Variants in BBS1 observed in about 807,000 individuals in gnomAD.
BBS1 encodes Bardet-Biedl syndrome 1, also known as BBSome complex member BBS1.
In BBS1, 60 loss-of-function variants were observed where a neutral mutation model predicts 73.9. The observed-to-expected ratio is 0.81, with a 90% CI of 0.66 to 1.01. The LOEUF (loss-of-function observed/expected upper bound fraction) is 1.01. BBS1 is among the 50% of genes least tolerant of loss of function. The pLI, the probability that BBS1 is intolerant of heterozygous loss-of-function variation, is 0.00. For missense variants in BBS1, 718 were observed against 770.3 expected, an observed-to-expected ratio of 0.93 and a Z score of 0.80; for synonymous variants, 283 against 317.4, an observed-to-expected ratio of 0.89 and a Z score of 1.15.
intron 7 of BBS1, among the ~76,000 whole-genome samples, chr11:66,517,956 T>C (rs1033917429): frequency 6.7e-6 from 1 of 150,022 alleles, no homozygotes; most frequent in Admixed American, 6.6e-5. Context: ...CTTTTTTTTT[T>C]CTTTTCTTTT....
intron 9 of BBS1, 156 bp downstream of exon 9, chr11:66,521,532 A>G (rs1473474924): frequency 1.4e-6 from 1 of 698,990 alleles, no homozygotes; most frequent in Non-Finnish European, 2.6e-6. Flanking sequence ...AACACAGGGG[A>G]GGATACCTGG....
At chr11:66,512,010 A>ATATATGTGTATATATATGTATATATATG (rs1565280696) in intron 3 of BBS1, among the ~76,000 whole-genome samples, 110 of 143,204 alleles carry the variant, frequency 7.7e-4, no homozygotes, top group Non-Finnish European at 8.5e-4. Flanking sequence ...AAAAATATAT[A>ATATATGTGTATATATATGTATATATATG]TATATATATG....
chr11:66,514,039 C>T (rs1036103074), intron 3 of BBS1, among the ~76,000 whole-genome samples: 1 of 152,236 alleles, frequency 6.6e-6, no homozygotes, highest in African/African-American at 2.4e-5. Flanking sequence ...CCGTCCCCTC[C>T]CACACTGACC....
chr11:66,527,729 C>G (rs1856582356), intron 13 of BBS1: 1 of 150,824 alleles, frequency 6.6e-6, no homozygotes, highest in South Asian at 2.1e-4. Context: ...ACTCAGTCTA[C>G]CTGGGGCCAA....
In BBS1 at chr11:66,532,297, C is replaced by T. The variant is rs1856820088; in HGVS notation, c.*260C>T. 1 of 543,362 alleles carries T rather than the reference C, an allele frequency of 1.8e-6. No individual in the cohort carries two copies. The highest frequency in any genetic ancestry group is 3.3e-6 in the Non-Finnish European group (1 of 300,904). 33.7% of individuals were successfully genotyped at this position (543,362 alleles called of 1,614,324 possible). A position where few individuals can be genotyped will look rare whatever the true frequency, so the allele number is the denominator to read the frequency against. On this transcript the variant is annotated 3_prime_UTR_variant, in exon 17 of 17. Coordinates refer to ENST00000318312, the MANE Select transcript of BBS1 (RefSeq NM_024649.5). ...CCTACTACGCCCTCCCCTCCCCAGC[C>T]TTTTCCAGAAACCATACTGGGCTCA...
In BBS1 at chr11:66,532,013, G is replaced by A; in HGVS notation, c.1758G>A (p.Gly586=). Residue 586 remains glycine, a synonymous_variant, in exon 17 of 17, where the codon GGG becomes GGA. Coordinates refer to ENST00000318312, the MANE Select transcript of BBS1 (RefSeq NM_024649.5). ...TGAGTGCCCACGTCAACATGCCTGG[G>A]AGCGAGGGGCTGGCGGCCGCCTGAG... ...PLLSAHVNMP[G]SEGLAAA 6.2e-7 allele frequency: 1 copy of A among 1,607,748 alleles called. No homozygotes were observed. The highest frequency in any genetic ancestry group is 8.5e-7 in the Non-Finnish European group (1 of 1,177,800).
intron 2 of BBS1, 54 bp downstream of exon 2, chr11:66,511,143 A>G (rs543797671): frequency 1.2e-5 from 19 of 1,613,790 alleles, no homozygotes; most frequent in Middle Eastern, 1.7e-4. Context: ...GAGTCAGACA[A>G]TGGTCCTGTA....
Position 66,529,855 on chromosome 11 carries a change from T to TGCGCCTACGTGCTGCCC in BBS1, c.1385_1401dup (p.Leu468ValfsTer14), listed in dbSNP as rs1166459319. On this transcript the variant is annotated frameshift_variant, in exon 14 of 17. Transcript: ENST00000318312. LOFTEE classifies it high-confidence loss of function. ...GCCTTCCAGACAGACCTATACCTGC[T>TGCGCCTACGTGCTGCCC]GCGCCTACGTGCTGCCCGCGCCTAC... is the stretch of plus-strand genomic sequence containing the variant. 3 of 1,610,828 alleles carry TGCGCCTACGTGCTGCCC rather than the reference T, an allele frequency of 1.9e-6. No homozygotes were observed. Among genetic ancestry groups the TGCGCCTACGTGCTGCCC allele is most frequent in the Non-Finnish European group, 2.5e-6 (3 of 1,179,966 alleles).
At chr11:66,516,228 C>T (rs1175120453) in intron 7 of BBS1, among the ~76,000 whole-genome samples, 6 of 149,000 alleles carry the variant, frequency 4.0e-5, no homozygotes, top group African/African-American at 9.9e-5. Flanking sequence ...TGGGTTCAAG[C>T]GATTCTCCTG....
At chr11:66,530,830 A>G in intron 14 of BBS1, 64 bp from the exon 15 acceptor site, 1 of 1,608,826 alleles carries the variant, frequency 6.2e-7, no homozygotes, top group Non-Finnish European at 8.5e-7. Flanking sequence ...CAGGCAGAGC[A>G]CACTGTACTC....
At chr11:66,514,371 C>A in intron 3 of BBS1, 35 bp from the exon 4 acceptor site, 2 of 1,613,312 alleles carry the variant, frequency 1.2e-6, no homozygotes, top group Non-Finnish European at 8.5e-7. Context: ...GGTCTTCAGA[C>A]CCTGAGCCTA....
intron 7 of BBS1, among the ~76,000 whole-genome samples, chr11:66,518,727 C>T (rs1286493717): frequency 6.6e-6 from 1 of 150,900 alleles, no homozygotes; most frequent in East Asian, 1.9e-4. Context: ...GCTGGGCTTA[C>T]AGGTGTGAGC....
chr11:66,529,393 G>T, intron 13 of BBS1: 2 of 1,270,426 alleles, frequency 1.6e-6, no homozygotes, highest in Non-Finnish European at 2.2e-6. Context: ...AGGCGAGGGT[G>T]CTCACTAAGC....
intron 8 of BBS1, 81 bp from the exon 9 acceptor site, chr11:66,521,189 C>A: frequency 9.7e-7 from 1 of 1,028,942 alleles, no homozygotes; most frequent in Non-Finnish European, 1.5e-6. Context: ...AGACCAGGCA[C>A]TCACTCAGAG....
chr11:66,530,362 C>G (rs949306399), intron 14 of BBS1, among the ~76,000 whole-genome samples: 1 of 151,684 alleles, frequency 6.6e-6, no homozygotes, highest in Non-Finnish European at 1.5e-5. Context: ...CGGCCTCACC[C>G]GCAAGCACCG....
intron 9 of BBS1, 193 bp downstream of exon 9, chr11:66,521,569 G>C (rs1250276522): frequency 4.6e-5 from 29 of 631,368 alleles, no homozygotes; most frequent in Non-Finnish European, 7.4e-5. Flanking sequence ...GGCTGGCACA[G>C]TGAGAGACTA....
Position 66,532,040 on chromosome 11 carries a change from C to T in BBS1, c.*3C>T. 6.2e-7 allele frequency: 1 copy of T among 1,600,540 alleles called. No individual in the cohort carries two copies. The highest frequency in any genetic ancestry group is 1.1e-5 in the South Asian group (1 of 89,260). On this transcript the variant is annotated 3_prime_UTR_variant, in exon 17 of 17. Coordinates refer to ENST00000318312, the MANE Select transcript of BBS1 (RefSeq NM_024649.5). ...GCGAGGGGCTGGCGGCCGCCTGAGA[C>T]CTGAGCTGCTGTGAAAGCCCCTGCA...
rs925718222 is a variant in BBS1, at chr11:66,511,202, C to T, written c.125-3C>T. On this transcript the variant is annotated splice_region_variant and splice_polypyrimidine_tract_variant and intron_variant, in intron 2 of 16. Coordinates refer to ENST00000318312, the MANE Select transcript of BBS1 (RefSeq NM_024649.5). ...CTCTGGTTTTGGCCCTTTTGTTTTC[C>T]AGCGCTGGCAGATTTACATGGGGAT... 3 of 1,613,938 alleles carry T rather than the reference C, an allele frequency of 1.9e-6. No homozygotes were observed. Among genetic ancestry groups the T allele is most frequent in the Non-Finnish European group, 2.5e-6 (3 of 1,180,022 alleles).
intron 4 of BBS1, 55 bp downstream of exon 4, chr11:66,514,733 G>T (rs2134771740): frequency 1.9e-6 from 3 of 1,593,982 alleles, no homozygotes; most frequent in East Asian, 4.5e-5. Flanking sequence ...CAGCCACTGG[G>T]TGAAGAGGGC....
Sources: gnomAD v4.1 joint callset for allele counts (sites outside exome capture counted in the v4.1 genomes callset) on GRCh38, gnomAD v4.1.1 for gene constraint, MANE v1.5 for transcripts, NCBI Gene and HGNC (gene_info 2026-07-23, HGNC 2026-07-21) for gene names.